Variants in ZNF536 observed in about 807,000 individuals in gnomAD.
ZNF536 encodes zinc finger protein 536.
Under a neutral mutation model 84.5 loss-of-function variants are expected in ZNF536, and 13 were observed. The observed-to-expected ratio is 0.15, with a 90% CI of 0.10 to 0.24. The LOEUF (loss-of-function observed/expected upper bound fraction) is 0.24, where lower values mean the gene tolerates loss of function less well. Ranked by LOEUF, ZNF536 falls within the 10% of genes least tolerant of loss-of-function variation. ZNF536 has a pLI of 1.00. For synonymous variants in ZNF536, 811 were observed against 742.5 expected (o/e 1.09, Z -1.50); for missense variants, 1,536 against 1,747.5 (o/e 0.88, Z 2.16).
chr19:30,307,588 A>AT (rs2046378989), intron 2 of ZNF536, among the ~76,000 whole-genome samples: 1 of 151,756 alleles, frequency 6.6e-6, no homozygotes, highest in African/African-American at 2.4e-5. Flanking sequence ...CTAACCGTTC[A>AT]TTCTGCTGAG....
At chr19:30,258,926 C>T (rs1218156075) in intron 1 of ZNF536, among the ~76,000 whole-genome samples, 2 of 152,176 alleles carry the variant, frequency 1.3e-5, no homozygotes, top group African/African-American at 2.4e-5. Flanking sequence ...CCATGTTGGC[C>T]AGGCTGGTCT....
intron 2 of ZNF536, among the ~76,000 whole-genome samples, chr19:30,328,943 A>G (rs547888420): frequency 1.1e-4 from 17 of 152,308 alleles, no homozygotes; most frequent in African/African-American, 3.9e-4. Context: ...CCCTGCAACA[A>G]TAGAATTTTG....
chr19:30,648,780 T>C (rs2147423205), intron 1 of ZNF536, among the ~76,000 whole-genome samples: 1 of 152,318 alleles, frequency 6.6e-6, no homozygotes, highest in South Asian at 2.1e-4. Flanking sequence ...GTGTTTTTAA[T>C]TGGGTCAAAT....
chr19:30,366,819 A>G (rs2048451455), intron 3 of ZNF536, among the ~76,000 whole-genome samples: 1 of 152,238 alleles, frequency 6.6e-6, no homozygotes, highest in Non-Finnish European at 1.5e-5. Flanking sequence ...ATTCTATAGG[A>G]AGAAGCTAGA....
intron 1 of ZNF536, among the ~76,000 whole-genome samples, chr19:30,416,882 T>C (rs11666325): frequency 0.54 from 81,916 of 152,028 alleles, 22,830 homozygotes; most frequent in Non-Finnish European, 0.59. Context: ...TGAGTTTTTG[T>C]GGATCAGCTC....
intron 1 of ZNF536, among the ~76,000 whole-genome samples, chr19:30,606,267 A>AAAAT (rs1568597144): frequency 4.5e-3 from 84 of 18,572 alleles, no homozygotes; most frequent in Non-Finnish European, 8.3e-3. Flanking sequence ...AAAATAAAAT[A>AAAAT]AAATAAAATA....
intron 1 of ZNF536, among the ~76,000 whole-genome samples, chr19:30,685,173 T>C (rs1183198180): frequency 1.3e-5 from 2 of 152,190 alleles, no homozygotes; most frequent in South Asian, 4.1e-4. Flanking sequence ...CAAAGGGGTT[T>C]GGGTGTGTCC....
chr19:30,458,766 T>G (rs1468319296), intron 2 of ZNF536, among the ~76,000 whole-genome samples: 3 of 152,148 alleles, frequency 2.0e-5, no homozygotes, highest in Non-Finnish European at 4.4e-5. Context: ...TCCTGCTGAT[T>G]TTTGCATCTG....
intron 1 of ZNF536, among the ~76,000 whole-genome samples, chr19:30,236,424 T>C (rs970273831): frequency 6.6e-6 from 1 of 152,118 alleles, no homozygotes; most frequent in Non-Finnish European, 1.5e-5. Flanking sequence ...TTTTGTTTTG[T>C]TTCAGCCCCC....
At chr19:30,421,643 G>A (rs1056853154) in intron 1 of ZNF536, among the ~76,000 whole-genome samples, 13 of 152,310 alleles carry the variant, frequency 8.5e-5, no homozygotes, top group South Asian at 2.1e-4. Context: ...GATTTCGGGC[G>A]TGAGCCACTG....
upstream of ZNF536, among the ~76,000 whole-genome samples, chr19:30,367,451 T>C (rs1485371172): frequency 1.3e-5 from 2 of 152,234 alleles, no homozygotes; most frequent in African/African-American, 4.8e-5. Context: ...ATGGACTGGG[T>C]ATCTGTCTTG....
intron 2 of ZNF536, among the ~76,000 whole-genome samples, chr19:30,313,686 C>A (rs927219197): frequency 6.6e-6 from 1 of 152,186 alleles, no homozygotes; most frequent in Non-Finnish European, 1.5e-5. Flanking sequence ...CACTGCCCAC[C>A]CCGACTGTGG....
chr19:30,679,989 G>A (rs368694218), intron 1 of ZNF536, among the ~76,000 whole-genome samples: 10 of 151,984 alleles, frequency 6.6e-5, no homozygotes, highest in Non-Finnish European at 1.3e-4. Context: ...TCCACTGTAC[G>A]CCCTGGGAAA....
At chr19:30,283,567 C>T (rs1363904682) in intron 1 of ZNF536, among the ~76,000 whole-genome samples, 1 of 152,142 alleles carries the variant, frequency 6.6e-6, no homozygotes, top group Non-Finnish European at 1.5e-5. Flanking sequence ...TTGCAGATTC[C>T]CATTCTGTAT....
intron 2 of ZNF536, among the ~76,000 whole-genome samples, chr19:30,496,823 T>A (rs905348648): frequency 4.6e-5 from 7 of 152,070 alleles, no homozygotes; most frequent in African/African-American, 9.7e-5. Flanking sequence ...GTGCTTTTTT[T>A]AATGATAAGC....
At chr19:30,412,130 A>G (rs2050520545) in intron 1 of ZNF536, among the ~76,000 whole-genome samples, 1 of 151,978 alleles carries the variant, frequency 6.6e-6, no homozygotes, top group Non-Finnish European at 1.5e-5. Context: ...TAACAGTTTC[A>G]TACTTTATTC....
exon 2 of ZNF536, chr19:30,713,479 T>C (rs2144815179): frequency 6.6e-6 from 1 of 152,362 alleles, no homozygotes; most frequent in Admixed American, 6.5e-5. Context: ...TTTATTATTA[T>C]AATACATCAG....
At chr19:30,434,274 C>G (rs907526880) in intron 1 of ZNF536, among the ~76,000 whole-genome samples, 11 of 152,202 alleles carry the variant, frequency 7.2e-5, no homozygotes, top group Non-Finnish European at 1.6e-4. Flanking sequence ...ACCCTCTGCT[C>G]TACCAGCCAG....
At chr19:30,318,650 C>T (rs2046759232) in intron 2 of ZNF536, among the ~76,000 whole-genome samples, 1 of 152,244 alleles carries the variant, frequency 6.6e-6, no homozygotes, top group African/African-American at 2.4e-5. Context: ...TGTGTGTGCG[C>T]ATGAGTCTGT....
Sources: allele counts gnomAD v4.1 joint callset (sites outside exome capture counted in the v4.1 genomes callset), GRCh38; gene constraint gnomAD v4.1.1; transcripts MANE v1.5; gene names NCBI Gene and HGNC (gene_info 2026-07-23, HGNC 2026-07-21).